DAPK1: variants seen among roughly 807,000 people sequenced by gnomAD.
DAPK1 encodes death associated protein kinase 1, also known as death-associated protein kinase 1.
In DAPK1, 56 loss-of-function variants were observed where a neutral mutation model predicts 144.9. The observed-to-expected ratio is 0.39, with a 90% CI of 0.31 to 0.48. The LOEUF is 0.48. Among genes scored for constraint, DAPK1 ranks in the 20% least tolerant of loss-of-function variants. The pLI is 0.95. For missense variants in DAPK1, 1,454 were observed against 1,875.4 expected (o/e 0.78, Z 4.15); for synonymous variants, 690 against 749.0 (o/e 0.92, Z 1.29).
chr9:87,677,012 A>C (rs1467226007), intron 19 of DAPK1, among the ~76,000 whole-genome samples: 2 of 152,286 alleles, frequency 1.3e-5, no homozygotes, highest in South Asian at 2.1e-4. Flanking sequence ...TCCGAAAGGG[A>C]GGAGGATGGC....
At chr9:87,683,152 G>A (rs1467182962) in intron 20 of DAPK1, among the ~76,000 whole-genome samples, 2 of 149,256 alleles carry the variant, frequency 1.3e-5, no homozygotes, top group African/African-American at 4.9e-5. Context: ...GTGTGATCTC[G>A]GCTCACTGCA....
chr9:87,595,344 T>A (rs963349800), intron 2 of DAPK1, among the ~76,000 whole-genome samples: 1 of 152,130 alleles, frequency 6.6e-6, no homozygotes, highest in Admixed American at 6.5e-5. Flanking sequence ...ACTCCCTTTC[T>A]CCAAGCAGCA....
intron 21 of DAPK1, among the ~76,000 whole-genome samples, chr9:87,695,175 C>G (rs991391842): frequency 6.6e-6 from 1 of 152,226 alleles, no homozygotes; most frequent in Non-Finnish European, 1.5e-5. Flanking sequence ...CCTCAGGACC[C>G]CACACTCCAA....
rs534426669 is a variant in DAPK1 at position 87,497,909 on chromosome 9, G to C, written c.-307G>C. On this transcript the variant is annotated 5_prime_UTR_variant, in exon 1 of 26. Transcript: ENST00000408954. ...GGACAGCCGGACCGAGCCAACGCCG[G>C]GGACTTTGTTCCCTCCGCGGAGGGG... 1.5e-4 allele frequency: 61 copies of C among 395,272 alleles called. No homozygotes were observed. The highest frequency in any genetic ancestry group is 1.3e-3 in the Middle Eastern group (2 of 1,580). 24.5% of individuals were successfully genotyped at this position (395,272 alleles called of 1,614,324 possible).
chr9:87,577,840 T>A (rs1827619841), intron 2 of DAPK1, among the ~76,000 whole-genome samples: 1 of 152,130 alleles, frequency 6.6e-6, no homozygotes, highest in Non-Finnish European at 1.5e-5. Context: ...GTGATTCCTG[T>A]GTGTAACCAG....
rs1827337243 is a variant in DAPK1, at chr9:87,571,468, CACACA to C, written c.63-33485_63-33481del. Among the ~76,000 whole-genome samples, 38 of 56,882 alleles carry C rather than the reference CACACA, an allele frequency of 6.7e-4. 4 individuals are homozygous for C. Among genetic ancestry groups the C allele is most frequent in the Admixed American group, 2.8e-3 (16 of 5,696 alleles). 37.3% of individuals were successfully genotyped at this position (56,882 alleles called of 152,430 possible). A position where few individuals can be genotyped will look rare whatever the true frequency, so the allele number is the denominator to read the frequency against. ...ACACACACACACACACACACACACA[CACACA>C]CCAACACACACACACACACACCCCA... On this transcript the variant is annotated intron_variant, in intron 2 of 25. Transcript: ENST00000408954.
chr9:87,707,281 G>T lies in DAPK1; in HGVS notation c.4210G>T (p.Asp1404Tyr), dbSNP rs1797080077. ...ATCCTCTGTGTTCAAAATCAACCTG[G>T]ATGGCAATGGCCAGGAGGCCTATGC... ...KASSVFKINL[D>Y]GNGQEAYASS... Residue 1404 changes from aspartate to tyrosine, a missense_variant, in exon 26 of 26, where the codon GAT becomes TAT. Asp to Tyr is a radical substitution (Grantham distance 160). This residue lies in a region of DAPK1 where 1,025 missense variants were observed against 1,237.9 expected (regional missense o/e 0.83). Coordinates refer to ENST00000408954, the MANE Select transcript of DAPK1 (RefSeq NM_004938.4). The surrounding 1 kb of genome is among the most constrained non-coding windows in gnomAD (Gnocchi z 4.0). The T allele has an allele frequency of 6.2e-7, 1 of 1,614,010 alleles. No individual in the cohort carries two copies. Among genetic ancestry groups the T allele is most frequent in the Non-Finnish European group, 8.5e-7 (1 of 1,179,920 alleles).
In DAPK1 at chr9:87,551,412, C is replaced by CTGG. The variant is rs575771969; in HGVS notation, c.62+52274_62+52276dup. 4.6e-5 allele frequency among the ~76,000 whole-genome samples: 7 copies of CTGG among 152,326 alleles called. No individual in the cohort carries two copies. In the East Asian group the frequency reaches 1.4e-3, roughly 29 times the overall value. ...CCACCCACCTTGGCCTCCCAAAGTG[C>CTGG]TGGGATTACAGGCGTGAGTCACCGT... On this transcript the variant is annotated intron_variant, in intron 2 of 25. Coordinates refer to ENST00000408954, the MANE Select transcript of DAPK1 (RefSeq NM_004938.4).
At chr9:87,681,862 C>T in intron 20 of DAPK1, 1 of 572,358 alleles carries the variant, frequency 1.7e-6, no homozygotes, top group Non-Finnish European at 3.1e-6. Flanking sequence ...GAAATCACAG[C>T]CACAGACACA....
At chr9:87,528,744 C>T (rs1825600044) in intron 2 of DAPK1, among the ~76,000 whole-genome samples, 1 of 137,274 alleles carries the variant, frequency 7.3e-6, no homozygotes, top group South Asian at 2.7e-4. Context: ...TGGCGGTGTG[C>T]ACCTGTACTC....
intron 17 of DAPK1, chr9:87,657,763 T>A: frequency 1.1e-5 from 5 of 462,918 alleles, no homozygotes; most frequent in Non-Finnish European, 2.0e-5. Context: ...CCTTGACTCC[T>A]GTCTCTTTCA....
intron 2 of DAPK1, among the ~76,000 whole-genome samples, chr9:87,571,494 C>CACA (rs1554684264): frequency 2.8e-5 from 1 of 35,138 alleles, no homozygotes; most frequent in Non-Finnish European, 5.7e-5. Context: ...CACACACACA[C>CACA]CCCAACACAC....
At chr9:87,525,388 C>T (rs892644909) in intron 2 of DAPK1, 139 of 1,611,174 alleles carry the variant, frequency 8.6e-5, no homozygotes, top group Non-Finnish European at 1.0e-4. Flanking sequence ...ACAACCGGCA[C>T]GGTCTGATCC....
intron 22 of DAPK1, among the ~76,000 whole-genome samples, 158 bp downstream of exon 22, chr9:87,697,362 C>G (rs987767095): frequency 1.3e-5 from 2 of 152,240 alleles, no homozygotes; most frequent in Non-Finnish European, 2.9e-5. Context: ...GCTGAGCCAA[C>G]TTCCTTTCTC....
intron 2 of DAPK1, among the ~76,000 whole-genome samples, chr9:87,573,771 G>T (rs1355674947): frequency 6.6e-6 from 1 of 152,124 alleles, no homozygotes; most frequent in Non-Finnish European, 1.5e-5. Flanking sequence ...GCTCTTGCAG[G>T]GTTGATTTCA....
At chr9:87,644,825 T>C (rs1168361029) in intron 11 of DAPK1, among the ~76,000 whole-genome samples, 1 of 152,218 alleles carries the variant, frequency 6.6e-6, no homozygotes, top group Admixed American at 6.5e-5. Flanking sequence ...ATTCCCTTAT[T>C]TCCATATTCT....
At chr9:87,585,222 G>A (rs1827907306) in intron 2 of DAPK1, among the ~76,000 whole-genome samples, 1 of 152,060 alleles carries the variant, frequency 6.6e-6, no homozygotes, top group African/African-American at 2.4e-5. Flanking sequence ...TGCTCTTGTT[G>A]CCTGTGCTTC....
At chr9:87,572,421 C>A (rs1447017833) in intron 2 of DAPK1, among the ~76,000 whole-genome samples, 1 of 152,172 alleles carries the variant, frequency 6.6e-6, no homozygotes, top group Non-Finnish European at 1.5e-5. Context: ...CAGGCAGATT[C>A]CAATTCAGTA....
In DAPK1 at chr9:87,697,187, C is replaced by CA; in HGVS notation, c.2595dup (p.Val866SerfsTer2). ...CTCAGTTTCCTGAAGTCCCTTGTCC[C>CA]AGTTGAAGAACCCATAGGTGAGCTA... On this transcript the variant is annotated frameshift_variant, in exon 22 of 26. Transcript: ENST00000408954. LOFTEE classifies it high-confidence loss of function. 1 of 1,551,420 alleles carries CA rather than the reference C, an allele frequency of 6.4e-7. No individual in the cohort carries two copies. Among genetic ancestry groups the CA allele is most frequent in the Non-Finnish European group, 8.9e-7 (1 of 1,122,836 alleles).
Sources: allele counts gnomAD v4.1 joint callset (sites outside exome capture counted in the v4.1 genomes callset), GRCh38; gene constraint gnomAD v4.1.1; regional missense constraint gnomAD v4.1.1; non-coding constraint Gnocchi (gnomAD v3.1); transcripts MANE v1.5; gene names NCBI Gene and HGNC (gene_info 2026-07-23, HGNC 2026-07-21).